B4GALT5: variants seen among roughly 807,000 people sequenced by gnomAD.
B4GALT5 encodes the protein UDP-Gal:beta-GlcNAc beta-1,4-galactosyltransferase 5.
B4GALT5 carries 11 observed loss-of-function variants against 45.0 expected under a neutral mutation model. That is an observed-to-expected ratio of 0.24 (90% CI 0.15 to 0.40). B4GALT5 has a LOEUF of 0.40. Ranked by LOEUF, B4GALT5 falls within the 10% of genes least tolerant of loss-of-function variation. The probability of loss-of-function intolerance (pLI) is 1.00; values close to 1 mark genes in which losing one functional copy is unlikely to be tolerated. For synonymous variants in B4GALT5, 185 were observed against 182.9 expected (o/e 1.01, Z -0.09); for missense variants, 337 against 500.2 (o/e 0.67, Z 3.11).
intron 1 of B4GALT5, among the ~76,000 whole-genome samples, chr20:49,672,757 A>T (rs2085721249): frequency 6.6e-6 from 1 of 152,144 alleles, no homozygotes; most frequent in African/African-American, 2.4e-5. Context: ...AAGCCCTTTG[A>T]GAAGCCAAGG....
At chr20:49,666,145 C>T (rs2085689718) in intron 1 of B4GALT5, among the ~76,000 whole-genome samples, 1 of 152,120 alleles carries the variant, frequency 6.6e-6, no homozygotes. Context: ...TTTTTAGTAT[C>T]CACATCTAAA....
chr20:49,655,877 C>T (rs947130974), intron 2 of B4GALT5, among the ~76,000 whole-genome samples: 10 of 148,282 alleles, frequency 6.7e-5, no homozygotes, highest in Middle Eastern at 3.2e-3. Flanking sequence ...TGCAGTGAGC[C>T]GAAATCACCC....
At chr20:49,661,396 A>G (rs2071368926) in intron 1 of B4GALT5, among the ~76,000 whole-genome samples, 1 of 152,056 alleles carries the variant, frequency 6.6e-6, no homozygotes, top group Non-Finnish European at 1.5e-5. Context: ...CATCATGCCC[A>G]GCTAATTTTT....
rs969103467 is a variant in B4GALT5, at chr20:49,653,466, G to A, written c.250+3102C>T. On this transcript the variant is annotated intron_variant, in intron 2 of 8. Coordinates refer to ENST00000371711, the MANE Select transcript of B4GALT5 (RefSeq NM_004776.4). ...AACTTACCAAGTGCTTCCTATGTGC[G>A]AGGCAGTGTATAAGGTACTAAGGAT... Among the ~76,000 whole-genome samples, 5 of 152,200 alleles carry A rather than the reference G, an allele frequency of 3.3e-5. No homozygotes were observed. The East Asian group carries it at 9.6e-4, about 29-fold the overall frequency.
At chr20:49,697,567 G>A (rs2085844520) in intron 1 of B4GALT5, among the ~76,000 whole-genome samples, 2 of 145,926 alleles carry the variant, frequency 1.4e-5, no homozygotes, top group Non-Finnish European at 1.5e-5. Context: ...AGAGGAAGGG[G>A]ACATGTCCTT....
At chr20:49,690,404 C>G (rs1356079041) in intron 1 of B4GALT5, among the ~76,000 whole-genome samples, 1 of 151,932 alleles carries the variant, frequency 6.6e-6, no homozygotes, top group Non-Finnish European at 1.5e-5. Flanking sequence ...GGATAAATAG[C>G]CAGGCATGGT....
chr20:49,637,489 C>T (rs779377160), intron 7 of B4GALT5, 47 bp from the exon 8 acceptor site: 1 of 1,380,742 alleles, frequency 7.2e-7, no homozygotes, highest in Non-Finnish European at 1.0e-6. Flanking sequence ...CGGTAATAGC[C>T]CAGGAGTGAC....
chr20:49,642,385 C>T (rs2122997740), intron 5 of B4GALT5, 83 bp downstream of exon 5: 2 of 1,044,440 alleles, frequency 1.9e-6, no homozygotes, highest in African/African-American at 1.6e-5. Context: ...ATTGGCTCTT[C>T]ACACCAACAG....
intron 2 of B4GALT5, among the ~76,000 whole-genome samples, chr20:49,649,929 G>T (rs550489068): frequency 6.6e-6 from 1 of 152,100 alleles, no homozygotes; most frequent in South Asian, 2.1e-4. Flanking sequence ...ATTCCCAAAA[G>T]TATTACACTA....
At chr20:49,640,012 T>C (rs2085569513) in intron 6 of B4GALT5, among the ~76,000 whole-genome samples, 1 of 152,252 alleles carries the variant, frequency 6.6e-6, no homozygotes, top group South Asian at 2.1e-4. Context: ...TTGGCCCATT[T>C]AGAGTATATC....
intron 3 of B4GALT5, among the ~76,000 whole-genome samples, chr20:49,645,695 G>C (rs2085596261): frequency 6.6e-6 from 1 of 152,092 alleles, no homozygotes. Flanking sequence ...GTTGCAGTGA[G>C]CGGAGACGGC....
intron 2 of B4GALT5, 28 bp from the exon 3 acceptor site, chr20:49,647,106 C>G (rs978519187): frequency 6.9e-7 from 1 of 1,443,576 alleles, no homozygotes; most frequent in Non-Finnish European, 9.7e-7. Flanking sequence ...AAAAGTCGAT[C>G]AGACTGGTAT....
At chr20:49,689,565 T>C (rs2085801566) in intron 1 of B4GALT5, among the ~76,000 whole-genome samples, 1 of 152,236 alleles carries the variant, frequency 6.6e-6, no homozygotes, top group Non-Finnish European at 1.5e-5. Context: ...CCATCTTGAT[T>C]CCACTATTAA....
intron 1 of B4GALT5, among the ~76,000 whole-genome samples, chr20:49,703,704 C>G (rs896785961): frequency 4.4e-5 from 6 of 135,396 alleles, no homozygotes; most frequent in African/African-American, 1.7e-4. Flanking sequence ...GCCTGGCTAA[C>G]ACGGCAAAGC....
intron 1 of B4GALT5, among the ~76,000 whole-genome samples, chr20:49,697,094 G>C (rs2085842296): frequency 6.6e-6 from 1 of 152,204 alleles, no homozygotes; most frequent in South Asian, 2.1e-4. Context: ...AGTCTTCAAA[G>C]GGATATTGTT....
intron 2 of B4GALT5, among the ~76,000 whole-genome samples, chr20:49,650,941 T>A (rs897586661): frequency 5.3e-5 from 8 of 152,166 alleles, no homozygotes; most frequent in African/African-American, 1.9e-4. Context: ...TTAAATCTAA[T>A]CTATTTCAAA....
chr20:49,649,481 G>T (rs1204906866), intron 2 of B4GALT5, among the ~76,000 whole-genome samples: 1 of 152,076 alleles, frequency 6.6e-6, no homozygotes, highest in Non-Finnish European at 1.5e-5. Flanking sequence ...TCGGGAGGCT[G>T]AGGCAGGAGG....
At chr20:49,662,299 A>C (rs1361527664) in intron 1 of B4GALT5, among the ~76,000 whole-genome samples, 1 of 151,990 alleles carries the variant, frequency 6.6e-6, no homozygotes, top group African/African-American at 2.4e-5. Flanking sequence ...CCCAAACACC[A>C]ATCACCCTCC....
intron 1 of B4GALT5, among the ~76,000 whole-genome samples, chr20:49,695,614 T>A (rs1019971698): frequency 7.2e-5 from 11 of 152,320 alleles, no homozygotes; most frequent in African/African-American, 2.6e-4. Flanking sequence ...TTTCACCACA[T>A]TGGCCAGGCT....
Sources: allele counts gnomAD v4.1 joint callset (sites outside exome capture counted in the v4.1 genomes callset), GRCh38; gene constraint gnomAD v4.1.1; transcripts MANE v1.5; gene names NCBI Gene and HGNC (gene_info 2026-07-23, HGNC 2026-07-21).